The following TRPC5 variants were observed in gnomAD, a reference collection of about 807,000 sequenced individuals.
The protein encoded by TRPC5 is transient receptor potential cation channel subfamily C member 5, also known as short transient receptor potential channel 5.
A neutral mutation model predicts 56.5 loss-of-function variants in TRPC5; 9 were observed. That is an observed-to-expected ratio of 0.16 (90% CI 0.10 to 0.28). The LOEUF (loss-of-function observed/expected upper bound fraction) is 0.28. Among genes scored for constraint, TRPC5 ranks in the 10% least tolerant of loss-of-function variants. The pLI is 1.00. For missense variants in TRPC5, 469 were observed against 748.9 expected, an observed-to-expected ratio of 0.63 and a Z score of 4.36; for synonymous variants, 282 against 278.5, an observed-to-expected ratio of 1.01 and a Z score of -0.13.
At chrX:111,869,766 A>G (rs1257531743) in intron 3 of TRPC5, among the ~76,000 whole-genome samples, 1 of 111,470 alleles carries the variant, frequency 9.0e-6, no homozygotes, top group African/African-American at 3.3e-5. Context: ...AGATGGCAGC[A>G]GAGGGTGGTA....
At chrX:111,892,862 AT>A (rs1265673505) in intron 3 of TRPC5, among the ~76,000 whole-genome samples, 1 of 111,593 alleles carries the variant, frequency 9.0e-6, no homozygotes, top group Non-Finnish European at 1.9e-5. Flanking sequence ...ACCACATACT[AT>A]TTCCTAGATC....
At chrX:111,938,630 TTTATATGCTGGA>T (rs1267369725) in intron 2 of TRPC5, among the ~76,000 whole-genome samples, 1 of 111,507 alleles carries the variant, frequency 9.0e-6, no homozygotes, top group African/African-American at 3.3e-5. Flanking sequence ...TTTGGTTCTG[TTTATATGCTGGA>T]TTACATTTAT....
intron 3 of TRPC5, among the ~76,000 whole-genome samples, chrX:111,900,724 A>G (rs1427186823): frequency 9.0e-6 from 1 of 111,599 alleles, no homozygotes; most frequent in East Asian, 2.8e-4. Context: ...TTAGCAGAGA[A>G]GAAAGAGTTA....
At chrX:111,838,793 A>G in intron 6 of TRPC5, among the ~76,000 whole-genome samples, 1 of 111,678 alleles carries the variant, frequency 9.0e-6, no homozygotes. Flanking sequence ...TAAGAGGGGT[A>G]AAGTAGAACA....
chrX:111,920,539 A>G (rs1926100794), intron 2 of TRPC5, among the ~76,000 whole-genome samples: 1 of 111,094 alleles, frequency 9.0e-6, no homozygotes, highest in Admixed American at 9.6e-5. Context: ...AAATTGTATC[A>G]GTTTCCCATC....
intron 1 of TRPC5, among the ~76,000 whole-genome samples, chrX:111,980,304 T>A (rs190116418): frequency 6.5e-4 from 72 of 111,479 alleles, no homozygotes; most frequent in African/African-American, 2.3e-3. Context: ...AGATCAATGG[T>A]TGCCTGTGGA....
intron 5 of TRPC5, 114 bp downstream of exon 5, chrX:111,852,184 T>C: frequency 2.8e-6 from 2 of 706,230 alleles, no homozygotes; most frequent in Non-Finnish European, 4.2e-6. Context: ...ATTTCCCACA[T>C]GGATTGAGCC....
intron 7 of TRPC5, among the ~76,000 whole-genome samples, chrX:111,793,219 C>A (rs1257041790): frequency 1.8e-5 from 2 of 111,153 alleles, no homozygotes; most frequent in Non-Finnish European, 3.8e-5. Context: ...CATCAGCGTC[C>A]CGAAGGAGCC....
intron 1 of TRPC5, among the ~76,000 whole-genome samples, chrX:112,001,149 T>G (rs1024584834): frequency 3.6e-5 from 4 of 112,036 alleles, no homozygotes; most frequent in African/African-American, 9.7e-5. Context: ...AGCAGTTAGA[T>G]CCCTAGTTTT....
In TRPC5 at chrX:111,776,058, T is replaced by G. The variant is rs1317972246; in HGVS notation, c.*255A>C. On this transcript the variant is annotated 3_prime_UTR_variant, in exon 11 of 11. Transcript: ENST00000262839. The stretch of plus-strand genomic sequence containing the variant: ...AGCACCCAACTGCACCTCTGATGAT[T>G]AGGTGCAACACCCCTTCAGTCGGTT... The G allele has an allele frequency of 7.3e-6, 2 of 275,591 alleles. No individual in the cohort carries two copies. Among genetic ancestry groups the G allele is most frequent in the Non-Finnish European group, 6.4e-6 (1 of 157,094 alleles). The allele number at this position is 275,591 out of a possible 1,213,427, so 22.7% of individuals were successfully genotyped here.
At chrX:112,062,655 G>A (rs1042808054) in intron 1 of TRPC5, among the ~76,000 whole-genome samples, 1 of 112,219 alleles carries the variant, frequency 8.9e-6, no homozygotes, top group African/African-American at 3.2e-5. Flanking sequence ...TGTGTTGGGA[G>A]ACACTGCAAA....
intron 7 of TRPC5, among the ~76,000 whole-genome samples, chrX:111,826,425 A>G (rs1922239966): frequency 2.7e-5 from 3 of 112,525 alleles, no homozygotes. Flanking sequence ...AATGTCCTCC[A>G]TAGTTCTGAA....
At position 111,775,093 on chromosome X, in the gene TRPC5, G is replaced by A. The variant is rs895638692; in HGVS notation, c.*1220C>T. 2 of 111,659 alleles carry A rather than the reference G, an allele frequency of 1.8e-5. No individual in the cohort carries two copies. The highest frequency in any genetic ancestry group is 6.5e-5 in the African/African-American group (2 of 30,736). 9.2% of individuals were successfully genotyped at this position (111,659 alleles called of 1,213,427 possible). ...GCTGTGGAAAAGAATTTGTTTGGAT[G>A]TATAAATGTAGCTTTCTTGGAAGAC... is the stretch of plus-strand genomic sequence containing the variant. On this transcript the variant is annotated 3_prime_UTR_variant, in exon 11 of 11. Coordinates refer to ENST00000262839, the MANE Select transcript of TRPC5 (RefSeq NM_012471.3).
intron 7 of TRPC5, among the ~76,000 whole-genome samples, chrX:111,819,061 G>A (rs866648297): frequency 9.0e-6 from 1 of 111,650 alleles, no homozygotes. Flanking sequence ...AAATCTGGAT[G>A]GGGCAGACGC....
chrX:111,769,376 A>G lies in TRPC5; in HGVS notation c.*6937T>C, dbSNP rs747759707. On this transcript the variant is annotated 3_prime_UTR_variant, in exon 11 of 11. Coordinates refer to ENST00000262839, the MANE Select transcript of TRPC5 (RefSeq NM_012471.3). ...GTTCCCAAATCAGTGAAGCTTCTCTATCTAAATATATTGCTCTTTAAAGTG... is the reference window on the plus strand; with the variant it reads ...GTTCCCAAATCAGTGAAGCTTCTCTGTCTAAATATATTGCTCTTTAAAGTG... Among the ~76,000 whole-genome samples the G allele has an allele frequency of 8.9e-6, 1 of 112,097 alleles. No homozygotes were observed. Among genetic ancestry groups the G allele is most frequent in the South Asian group, 3.7e-4 (1 of 2,667 alleles).
rs888802342 is a variant in TRPC5 at position 111,774,879 on chromosome X, G to A, written c.*1434C>T. 6 of 110,109 alleles carry A rather than the reference G, an allele frequency of 5.4e-5. No individual in the cohort carries two copies. Among genetic ancestry groups the A allele is most frequent in the African/African-American group, 2.0e-4 (6 of 30,228 alleles). The allele number at this position is 110,109 out of a possible 1,213,427, so 9.1% of individuals were successfully genotyped here. ...TACACACTATTTATGTAATCTCTAGGACTCAGACCTAGAGTTGTTTCAGGT... is the reference window on the plus strand; with the variant it reads ...TACACACTATTTATGTAATCTCTAGAACTCAGACCTAGAGTTGTTTCAGGT... On this transcript the variant is annotated 3_prime_UTR_variant, in exon 11 of 11. Transcript: ENST00000262839.
intron 7 of TRPC5, among the ~76,000 whole-genome samples, chrX:111,792,299 G>C: frequency 9.1e-6 from 1 of 109,855 alleles, no homozygotes; most frequent in Non-Finnish European, 1.9e-5. Flanking sequence ...ACATACCAGG[G>C]CCTGTTGGGG....
chrX:111,779,482 C>T (rs1021386529), intron 9 of TRPC5, among the ~76,000 whole-genome samples: 1 of 111,747 alleles, frequency 8.9e-6, no homozygotes, highest in East Asian at 2.8e-4. Flanking sequence ...TTAATGTCTA[C>T]TAATTACATA....
At chrX:111,980,762 A>G (rs1442400280) in intron 1 of TRPC5, among the ~76,000 whole-genome samples, 3 of 109,505 alleles carry the variant, frequency 2.7e-5, no homozygotes, top group Admixed American at 9.9e-5. Context: ...AATTTACAAT[A>G]GAGTATTGTA....
Sources: gnomAD v4.1 joint callset for allele counts (sites outside exome capture counted in the v4.1 genomes callset) on GRCh38, gnomAD v4.1.1 for gene constraint, MANE v1.5 for transcripts, NCBI Gene and HGNC (gene_info 2026-07-23, HGNC 2026-07-21) for gene names.